GLG1: variants seen among roughly 807,000 people sequenced by gnomAD.
GLG1 encodes Golgi apparatus protein 1.
In GLG1, 38 loss-of-function variants were observed where a neutral mutation model predicts 160.5. That is an observed-to-expected ratio of 0.24 (90% CI 0.18 to 0.31). The LOEUF (loss-of-function observed/expected upper bound fraction) is 0.31, where lower values mean the gene tolerates loss of function less well. GLG1 is among the 10% of genes least tolerant of loss of function. The probability of loss-of-function intolerance (pLI) is 1.00; values close to 1 mark genes in which losing one functional copy is unlikely to be tolerated. For synonymous variants in GLG1, 644 were observed against 543.4 expected (o/e 1.19, Z -2.57); for missense variants, 1,373 against 1,505.2 (o/e 0.91, Z 1.45).
chr16:74,512,704 T>C (rs1203054115), intron 2 of GLG1, among the ~76,000 whole-genome samples: 1 of 150,402 alleles, frequency 6.6e-6, no homozygotes, highest in African/African-American at 2.4e-5. Flanking sequence ...AAGACCATTG[T>C]CTCAGCAAGT....
intron 2 of GLG1, among the ~76,000 whole-genome samples, chr16:74,519,896 TC>T (rs1192413562): frequency 2.0e-5 from 3 of 152,168 alleles, no homozygotes; most frequent in African/African-American, 7.2e-5. Context: ...GTCCCACTCC[TC>T]CCCATACAGT....
rs1171926173 is a variant in GLG1 at position 74,451,318 on chromosome 16, C to T, written c.*1849G>A. Reference sequence around the variant, plus strand: ...CCGAGGGGACTAAGCAGCTTAGCAGCTTCCCTTGGTGACTTGGCAGGGGGA... The same window carrying T: ...CCGAGGGGACTAAGCAGCTTAGCAGTTTCCCTTGGTGACTTGGCAGGGGGA... On this transcript the variant is annotated 3_prime_UTR_variant, in exon 26 of 26. Transcript: ENST00000422840. 1.3e-5 allele frequency: 2 copies of T among 152,230 alleles called. No individual in the cohort carries two copies. The highest frequency in any genetic ancestry group is 2.9e-5 in the Non-Finnish European group (2 of 68,056). The allele number at this position is 152,230 out of a possible 1,614,324, so 9.4% of individuals were successfully genotyped here.
intron 19 of GLG1, among the ~76,000 whole-genome samples, chr16:74,463,709 G>A (rs764051818): frequency 4.1e-5 from 6 of 146,758 alleles, no homozygotes; most frequent in Non-Finnish European, 9.0e-5. Context: ...GCGTCACCAC[G>A]CCCAGCTCAT....
At chr16:74,505,136 G>C (rs906380267) in intron 3 of GLG1, among the ~76,000 whole-genome samples, 1 of 152,136 alleles carries the variant, frequency 6.6e-6, no homozygotes, top group Non-Finnish European at 1.5e-5. Flanking sequence ...CATGCCCATA[G>C]GGCAAAACAA....
At chr16:74,558,877 A>C (rs554153853) in intron 1 of GLG1, among the ~76,000 whole-genome samples, 1 of 152,248 alleles carries the variant, frequency 6.6e-6, no homozygotes, top group East Asian at 1.9e-4. Context: ...CAGACTGTAC[A>C]TCTTCTTTTT....
chr16:74,492,686 G>A (rs1252152782), intron 7 of GLG1, among the ~76,000 whole-genome samples: 1 of 152,016 alleles, frequency 6.6e-6, no homozygotes, highest in African/African-American at 2.4e-5. Context: ...AGGCGCAGTG[G>A]CACTCGCCTG....
At chr16:74,463,300 A>G in intron 20 of GLG1, 56 bp downstream of exon 20, 1 of 1,577,014 alleles carries the variant, frequency 6.3e-7, no homozygotes, top group Non-Finnish European at 8.7e-7. Context: ...CTCTACAGCC[A>G]CTGAATTCCT....
At position 74,509,143 on chromosome 16, in the gene GLG1, G is replaced by A. The variant is rs1353677688; in HGVS notation, c.472-218C>T. 2.2e-5 allele frequency among the ~76,000 whole-genome samples: 3 copies of A among 137,852 alleles called. No individual in the cohort carries two copies. The South Asian group carries it at 7.1e-4, about 33-fold the overall frequency. 90.4% of individuals were successfully genotyped at this position (137,852 alleles called of 152,430 possible). On this transcript the variant is annotated intron_variant, in intron 2 of 25. Transcript: ENST00000422840. Reference sequence around the variant, plus strand: ...AGGATGACTATTCAGATATATTTTTGTCGTTTTTACTAAAGGACAATTTTT... The same window carrying A: ...AGGATGACTATTCAGATATATTTTTATCGTTTTTACTAAAGGACAATTTTT...
intron 2 of GLG1, among the ~76,000 whole-genome samples, chr16:74,521,356 T>C (rs780489845): frequency 3.3e-5 from 5 of 152,026 alleles, no homozygotes; most frequent in Non-Finnish European, 5.9e-5. Flanking sequence ...AGCTGTAGGA[T>C]AGACTAAGCA....
chr16:74,574,901 AAAAAAAAAAAAAGAC>A (rs1368090045), intron 1 of GLG1, among the ~76,000 whole-genome samples: 1 of 131,354 alleles, frequency 7.6e-6, no homozygotes, highest in Non-Finnish European at 1.6e-5. Context: ...AAAAAAAAAA[AAAAAAAAAAAAAGAC>A]AGAGAGAGAG....
rs745869989 is a variant in GLG1 at position 74,452,101 on chromosome 16, A to T, written c.*1066T>A. 1 of 1,614,120 alleles carries T rather than the reference A, an allele frequency of 6.2e-7. No individual in the cohort carries two copies. Among genetic ancestry groups the T allele is most frequent in the South Asian group, 1.1e-5 (1 of 91,084 alleles). On this transcript the variant is annotated 3_prime_UTR_variant, in exon 26 of 26. Coordinates refer to ENST00000422840, the MANE Select transcript of GLG1 (RefSeq NM_001145667.2). ...CATCCTGAGACCACACTAAACCTTTATAAGCCATTGTCTCTGACCTGTATT... is the reference window on the plus strand; with the variant it reads ...CATCCTGAGACCACACTAAACCTTTTTAAGCCATTGTCTCTGACCTGTATT...
intron 3 of GLG1, among the ~76,000 whole-genome samples, chr16:74,505,034 T>A (rs922767676): frequency 2.0e-5 from 3 of 152,250 alleles, no homozygotes; most frequent in Non-Finnish European, 4.4e-5. Context: ...TAAATGGGAA[T>A]GTTTATTTTG....
intron 4 of GLG1, among the ~76,000 whole-genome samples, chr16:74,498,767 A>C (rs1448651192): frequency 7.1e-6 from 1 of 141,326 alleles, no homozygotes; most frequent in Non-Finnish European, 1.5e-5. Context: ...CAGGAAGCTG[A>C]GGCGAGAGAA....
At chr16:74,588,911 G>C (rs995669677) in intron 1 of GLG1, among the ~76,000 whole-genome samples, 4 of 151,762 alleles carry the variant, frequency 2.6e-5, no homozygotes, top group Admixed American at 6.6e-5. Context: ...GGAAAAGGTT[G>C]TTAGACCAAT....
At chr16:74,525,818 T>C (rs1259720885) in intron 2 of GLG1, among the ~76,000 whole-genome samples, 2 of 151,234 alleles carry the variant, frequency 1.3e-5, no homozygotes, top group South Asian at 2.1e-4. Context: ...CATTCAACTT[T>C]CTTGATAGTG....
chr16:74,571,228 T>C (rs1412479905), intron 1 of GLG1, among the ~76,000 whole-genome samples: 2 of 152,102 alleles, frequency 1.3e-5, no homozygotes, highest in Non-Finnish European at 2.9e-5. Context: ...TCTGGGTCTG[T>C]CCAACCCACA....
intron 1 of GLG1, among the ~76,000 whole-genome samples, chr16:74,564,587 T>G (rs2018598382): frequency 6.6e-6 from 1 of 152,176 alleles, no homozygotes; most frequent in Non-Finnish European, 1.5e-5. Context: ...AATAAAGTGC[T>G]AGGACTGGAA....
chr16:74,503,251 C>A lies in GLG1; in HGVS notation c.774+280G>T, dbSNP rs143655030. Among the ~76,000 whole-genome samples the A allele has an allele frequency of 1.8e-4, 27 of 152,120 alleles. No individual in the cohort carries two copies. The East Asian group carries it at 4.7e-3, about 26-fold the overall frequency. On this transcript the variant is annotated intron_variant, in intron 4 of 25. Transcript: ENST00000422840. ...ACTCAGGTCTCTCCTTTGCCAGAGG[C>A]ACATTACAGGTAACCAGCAGCTGGT...
intron 16 of GLG1, 66 bp downstream of exon 16, chr16:74,469,919 G>A (rs2015135317): frequency 4.0e-6 from 4 of 1,005,574 alleles, no homozygotes; most frequent in South Asian, 1.3e-5. Context: ...CTAACATCTC[G>A]CATACTCATT....
Sources: gnomAD v4.1 joint callset for allele counts (sites outside exome capture counted in the v4.1 genomes callset) on GRCh38, gnomAD v4.1.1 for gene constraint, MANE v1.5 for transcripts, NCBI Gene and HGNC (gene_info 2026-07-23, HGNC 2026-07-21) for gene names.